Variants in PTPRT observed in about 807,000 individuals in gnomAD.
PTPRT encodes receptor-type tyrosine-protein phosphatase T.
In PTPRT, 56 loss-of-function variants were observed where a neutral mutation model predicts 176.8. That is an observed-to-expected ratio of 0.32 (90% CI 0.26 to 0.40). PTPRT has a LOEUF of 0.40. PTPRT is among the 10% of genes least tolerant of loss of function. PTPRT has a pLI of 1.00. For missense variants in PTPRT, 1,540 were observed against 1,908.2 expected (o/e 0.81, Z 3.60); for synonymous variants, 783 against 739.0 (o/e 1.06, Z -0.96).
intron 7 of PTPRT, among the ~76,000 whole-genome samples, chr20:42,652,442 G>A (rs2075049589): frequency 6.6e-6 from 1 of 152,112 alleles, no homozygotes; most frequent in Admixed American, 6.5e-5. Flanking sequence ...CACGAAGCAG[G>A]GTGTTGTAAC....
At chr20:42,720,201 T>C (rs1198428930) in intron 6 of PTPRT, among the ~76,000 whole-genome samples, 1 of 152,206 alleles carries the variant, frequency 6.6e-6, no homozygotes, top group Non-Finnish European at 1.5e-5. Context: ...AGTGAATATA[T>C]ATTGAACATT....
intron 1 of PTPRT, among the ~76,000 whole-genome samples, chr20:43,155,604 C>CTA (rs2014493664): frequency 6.6e-6 from 1 of 152,266 alleles, no homozygotes; most frequent in Admixed American, 6.5e-5. Context: ...TTCAAGAGAT[C>CTA]TATTGCACAG....
chr20:42,099,643 T>G (rs987159251), intron 26 of PTPRT, among the ~76,000 whole-genome samples: 2 of 150,238 alleles, frequency 1.3e-5, no homozygotes, highest in African/African-American at 4.9e-5. Flanking sequence ...ATTGGGAAGA[T>G]TCTCCACTTC....
In PTPRT at chr20:42,847,817, G is replaced by A. The variant is rs118185552; in HGVS notation, c.214+37990C>T. 2.4e-3 allele frequency among the ~76,000 whole-genome samples: 373 copies of A among 152,270 alleles called. 1 individual carries two copies. The highest frequency in any genetic ancestry group is 4.1e-3 in the Non-Finnish European group (276 of 68,026). On this transcript the variant is annotated intron_variant, in intron 2 of 30. Transcript: ENST00000373187. Reference sequence around the variant, plus strand: ...CAAGAGGCAGTGATGTTTCCATCCTGTTAGAAAACAGAGGTCTTTAAAAAA... The same window carrying A: ...CAAGAGGCAGTGATGTTTCCATCCTATTAGAAAACAGAGGTCTTTAAAAAA...
At chr20:42,774,694 C>A (rs147437195) in intron 4 of PTPRT, among the ~76,000 whole-genome samples, 42 of 152,232 alleles carry the variant, frequency 2.8e-4, no homozygotes, top group Admixed American at 1.6e-3. Context: ...GATGCCCCCA[C>A]CACTCCATGC....
intron 9 of PTPRT, among the ~76,000 whole-genome samples, chr20:42,382,587 C>T (rs2145637777): frequency 6.6e-6 from 1 of 152,162 alleles, no homozygotes; most frequent in Middle Eastern, 3.4e-3. Context: ...GAGATGGGTG[C>T]TAGGTCCGTG....
At position 42,331,307 on chromosome 20, in the gene PTPRT, G is replaced by A. The variant is rs76607589; in HGVS notation, c.1866-15311C>T. Among the ~76,000 whole-genome samples the A allele has an allele frequency of 4.1e-3, 628 of 152,258 alleles. 8 individuals are homozygous for A. Among genetic ancestry groups the A allele is most frequent in the African/African-American group, 0.014 (596 of 41,524 alleles). Reference sequence around the variant, plus strand: ...AACCCACAGCAATGCTTTTACAGAGGAAGATGTTATTGTTTTTAAAAGAGT... The same window carrying A: ...AACCCACAGCAATGCTTTTACAGAGAAAGATGTTATTGTTTTTAAAAGAGT... On this transcript the variant is annotated intron_variant, in intron 11 of 30. Transcript: ENST00000373187.
intron 1 of PTPRT, among the ~76,000 whole-genome samples, chr20:42,925,448 A>G (rs938095333): frequency 6.6e-6 from 1 of 152,188 alleles, no homozygotes; most frequent in African/African-American, 2.4e-5. Context: ...TAAGTGTTGG[A>G]AGGGCAAGGA....
chr20:43,126,437 G>A (rs568504333), intron 1 of PTPRT, among the ~76,000 whole-genome samples: 1 of 152,238 alleles, frequency 6.6e-6, no homozygotes, highest in Admixed American at 6.5e-5. Flanking sequence ...AGAAGAAAAG[G>A]AAGTTTTGTT....
chr20:43,099,259 A>G (rs1471413561), intron 1 of PTPRT, among the ~76,000 whole-genome samples: 1 of 152,220 alleles, frequency 6.6e-6, no homozygotes, highest in Non-Finnish European at 1.5e-5. Flanking sequence ...CATAGTTCAC[A>G]AAATAATTTC....
chr20:42,439,675 T>C (rs1021731773), intron 9 of PTPRT, among the ~76,000 whole-genome samples: 1 of 152,186 alleles, frequency 6.6e-6, no homozygotes, highest in Non-Finnish European at 1.5e-5. Flanking sequence ...GGAGACCGAC[T>C]GGATTCAATT....
intron 1 of PTPRT, among the ~76,000 whole-genome samples, chr20:43,061,250 A>G (rs1987449849): frequency 6.6e-6 from 1 of 152,168 alleles, no homozygotes; most frequent in South Asian, 2.1e-4. Flanking sequence ...TCCAGAAACA[A>G]TCTACTCAAC....
chr20:42,498,399 A>T (rs1042956665), intron 7 of PTPRT, among the ~76,000 whole-genome samples: 1 of 152,140 alleles, frequency 6.6e-6, no homozygotes, highest in Non-Finnish European at 1.5e-5. Flanking sequence ...GATCTTAAGG[A>T]CTGACAAAAC....
At position 42,556,575 on chromosome 20, in the gene PTPRT, AATAG is replaced by A. The variant is rs540580120; in HGVS notation, c.1154-84017_1154-84014del. ...ATATATATATATATCCCCTATCTAT[AATAG>A]ATAGATGAAGAAATTAAAGCTCAGA... is the stretch of plus-strand genomic sequence containing the variant. On this transcript the variant is annotated intron_variant, in intron 7 of 30. Coordinates refer to ENST00000373187, the MANE Select transcript of PTPRT (RefSeq NM_007050.6). Among the ~76,000 whole-genome samples, 159 of 152,146 alleles carry A rather than the reference AATAG, an allele frequency of 1.0e-3. 1 individual carries two copies. The highest frequency in any genetic ancestry group is 3.6e-3 in the African/African-American group (149 of 41,522).
chr20:42,652,485 G>A (rs191483158), intron 7 of PTPRT, among the ~76,000 whole-genome samples: 1 of 152,250 alleles, frequency 6.6e-6, no homozygotes, highest in Admixed American at 6.5e-5. Context: ...GATTGCTGTG[G>A]CTCTCTGGAT....
At chr20:43,111,321 C>T (rs566353636) in intron 1 of PTPRT, among the ~76,000 whole-genome samples, 18 of 151,836 alleles carry the variant, frequency 1.2e-4, no homozygotes, top group Non-Finnish European at 1.9e-4. Context: ...GGGCGGATCA[C>T]GAGGTCAGGA....
chr20:42,866,832 A>G (rs960696339), intron 2 of PTPRT, among the ~76,000 whole-genome samples: 5 of 152,216 alleles, frequency 3.3e-5, no homozygotes, highest in African/African-American at 1.2e-4. Context: ...GATTTTAAAT[A>G]AATTACTTAA....
At chr20:42,758,509 C>CAGGCTA (rs2076869842) in intron 5 of PTPRT, among the ~76,000 whole-genome samples, 6 of 152,146 alleles carry the variant, frequency 3.9e-5, no homozygotes, top group African/African-American at 1.2e-4. Flanking sequence ...GCTACAGGCT[C>CAGGCTA]CAGGCTACAG....
At chr20:42,595,267 A>T (rs969983694) in intron 7 of PTPRT, among the ~76,000 whole-genome samples, 1 of 152,054 alleles carries the variant, frequency 6.6e-6, no homozygotes, top group Non-Finnish European at 1.5e-5. Context: ...TGCCTACTAA[A>T]CCAGGATTTC....
Sources: gnomAD v4.1 joint callset for allele counts (sites outside exome capture counted in the v4.1 genomes callset) on GRCh38, gnomAD v4.1.1 for gene constraint, MANE v1.5 for transcripts, NCBI Gene and HGNC (gene_info 2026-07-23, HGNC 2026-07-21) for gene names.